The following GALNT13 variants were observed in gnomAD, a reference collection of about 807,000 sequenced individuals.
GALNT13 encodes UDP-GalNAc:polypeptide N-acetylgalactosaminyltransferase 13.
Under a neutral mutation model 64.2 loss-of-function variants are expected in GALNT13, and 28 were observed. The observed-to-expected ratio is 0.44, with a 90% CI of 0.32 to 0.60. GALNT13 has a LOEUF of 0.60. Ranked by LOEUF, GALNT13 falls within the 20% of genes least tolerant of loss-of-function variation. The pLI, the probability that GALNT13 is intolerant of heterozygous loss-of-function variation, is 0.05. For synonymous variants in GALNT13, 214 were observed against 224.6 expected (o/e 0.95, Z 0.42); for missense variants, 577 against 669.8 (o/e 0.86, Z 1.53).
chr2:153,780,351 G>C, the GALNT13 span, among the ~76,000 whole-genome samples: 1 of 151,086 alleles, frequency 6.6e-6, no homozygotes, highest in Non-Finnish European at 1.5e-5. Context: ...AACCACTAAA[G>C]TCCTTTAAAC....
the GALNT13 span, among the ~76,000 whole-genome samples, chr2:153,561,558 G>A: frequency 6.6e-6 from 1 of 151,890 alleles, no homozygotes; most frequent in Non-Finnish European, 1.5e-5. Flanking sequence ...CCCACTTGTG[G>A]TGTCACATTG....
At chr2:153,218,010 T>G in the GALNT13 span, among the ~76,000 whole-genome samples, 2 of 152,094 alleles carry the variant, frequency 1.3e-5, no homozygotes, top group East Asian at 1.9e-4. Flanking sequence ...TAGTCTGGAG[T>G]TGAGCTGGTT....
chr2:154,155,296 T>C (rs1017902443), intron 4 of GALNT13, among the ~76,000 whole-genome samples: 10 of 152,102 alleles, frequency 6.6e-5, no homozygotes, highest in Admixed American at 6.5e-5. Flanking sequence ...TCAGTCTTTG[T>C]GGTTAAAATG....
At chr2:154,090,931 G>T (rs1166120408) in intron 3 of GALNT13, among the ~76,000 whole-genome samples, 1 of 151,616 alleles carries the variant, frequency 6.6e-6, no homozygotes. Flanking sequence ...GAGGATTTAG[G>T]GTTCTTAATT....
the GALNT13 span, among the ~76,000 whole-genome samples, chr2:153,629,735 C>T: frequency 1.2e-3 from 180 of 150,874 alleles, no homozygotes; most frequent in African/African-American, 3.4e-3. Flanking sequence ...AGAAAATTTT[C>T]GCAACCTACT....
intron 4 of GALNT13, among the ~76,000 whole-genome samples, chr2:154,231,491 G>A (rs1688912572): frequency 6.6e-6 from 1 of 151,788 alleles, no homozygotes; most frequent in Non-Finnish European, 1.5e-5. Context: ...CTACTCTGGT[G>A]AGGCACTTAA....
At chr2:153,701,027 A>T in the GALNT13 span, among the ~76,000 whole-genome samples, 1 of 152,144 alleles carries the variant, frequency 6.6e-6, no homozygotes, top group African/African-American at 2.4e-5. Context: ...ATAAAAGCCC[A>T]TATAGGGAAG....
At chr2:153,789,588 A>G in the GALNT13 span, among the ~76,000 whole-genome samples, 1 of 152,182 alleles carries the variant, frequency 6.6e-6, no homozygotes, top group African/African-American at 2.4e-5. Flanking sequence ...CAAATAACCC[A>G]AATCAGAGTT....
the GALNT13 span, among the ~76,000 whole-genome samples, chr2:153,221,923 C>T: frequency 1.3e-5 from 2 of 152,210 alleles, no homozygotes; most frequent in Admixed American, 6.5e-5. Flanking sequence ...AAGAAGTTGT[C>T]ACAGCCCTGT....
chr2:153,412,606 A>G, the GALNT13 span, among the ~76,000 whole-genome samples: 81 of 152,310 alleles, frequency 5.3e-4, 1 homozygote, highest in African/African-American at 1.7e-3. Flanking sequence ...GAAAACTGTC[A>G]AGATCCTGTT....
chr2:153,469,610 T>C, the GALNT13 span, among the ~76,000 whole-genome samples: 6 of 152,172 alleles, frequency 3.9e-5, no homozygotes, highest in East Asian at 9.7e-4. Flanking sequence ...TGAGGAGCAA[T>C]TTAAAAACAG....
intron 3 of GALNT13, among the ~76,000 whole-genome samples, chr2:154,051,576 C>T (rs1406857232): frequency 6.6e-6 from 1 of 152,078 alleles, no homozygotes; most frequent in Non-Finnish European, 1.5e-5. Flanking sequence ...AGGCGTGAGC[C>T]ACCGCGCCCG....
At position 154,408,976 on chromosome 2, in the gene GALNT13, T is replaced by C; in HGVS notation, c.1297-8T>C. On this transcript the variant is annotated splice_region_variant and splice_polypyrimidine_tract_variant and intron_variant, in intron 10 of 12. Transcript: ENST00000392825. Reference sequence around the variant, plus strand: ...TTTTATCCCCCCCCTTTTGTGTGTTTCCTTTAGATAAGAAATGTTGAAACC... The same window carrying C: ...TTTTATCCCCCCCCTTTTGTGTGTTCCCTTTAGATAAGAAATGTTGAAACC... The C allele has an allele frequency of 6.3e-7, 1 of 1,576,688 alleles. No homozygotes were observed. Among genetic ancestry groups the C allele is most frequent in the Non-Finnish European group, 8.7e-7 (1 of 1,147,710 alleles).
At chr2:153,068,677 T>A in the GALNT13 span, among the ~76,000 whole-genome samples, 1 of 152,218 alleles carries the variant, frequency 6.6e-6, no homozygotes, top group South Asian at 2.1e-4. Context: ...TACATATTAC[T>A]TCACCTTGGT....
At chr2:153,483,504 C>A in the GALNT13 span, among the ~76,000 whole-genome samples, 1 of 150,374 alleles carries the variant, frequency 6.7e-6, no homozygotes. Context: ...GCAACCTCTG[C>A]CTCCAGGGTT....
chr2:154,244,833 T>C (rs1689687642), intron 6 of GALNT13, among the ~76,000 whole-genome samples: 1 of 151,972 alleles, frequency 6.6e-6, no homozygotes, highest in South Asian at 2.1e-4. Context: ...TTAAGAAAAA[T>C]GGGATAGGCC....
the GALNT13 span, among the ~76,000 whole-genome samples, chr2:153,514,052 T>G: frequency 3.9e-5 from 6 of 152,202 alleles, no homozygotes; most frequent in Non-Finnish European, 7.3e-5. Flanking sequence ...AATCTAAAGT[T>G]TTTAATTTTT....
chr2:154,145,469 T>G (rs937468047), intron 4 of GALNT13, among the ~76,000 whole-genome samples: 2 of 151,986 alleles, frequency 1.3e-5, no homozygotes, highest in African/African-American at 4.8e-5. Context: ...TAAAGTCCTT[T>G]AGCATTTACT....
the GALNT13 span, among the ~76,000 whole-genome samples, chr2:153,816,288 G>A: frequency 6.6e-5 from 10 of 152,156 alleles, no homozygotes; most frequent in Admixed American, 2.0e-4. Context: ...TGAGTCTGAG[G>A]AGATGTGTGG....
Sources: gnomAD v4.1 joint callset for allele counts (sites outside exome capture counted in the v4.1 genomes callset) on GRCh38, gnomAD v4.1.1 for gene constraint, MANE v1.5 for transcripts, NCBI Gene and HGNC (gene_info 2026-07-23, HGNC 2026-07-21) for gene names.